Variants in ADGRA3 observed in about 807,000 individuals in gnomAD.
The protein encoded by ADGRA3 is G-protein coupled receptor 125.
ADGRA3 carries 56 observed loss-of-function variants against 119.8 expected under a neutral mutation model. The ratio of observed to expected loss-of-function variants is 0.47; its 90% CI spans 0.38 to 0.58. The LOEUF (loss-of-function observed/expected upper bound fraction) is 0.58, where lower values mean the gene tolerates loss of function less well. Ranked by LOEUF, ADGRA3 falls within the 20% of genes least tolerant of loss-of-function variation. The probability of loss-of-function intolerance (pLI) is 0.00; values close to 1 mark genes in which losing one functional copy is unlikely to be tolerated. For missense variants in ADGRA3, 1,516 were observed against 1,649.0 expected, an observed-to-expected ratio of 0.92 and a Z score of 1.40; for synonymous variants, 607 against 623.8, an observed-to-expected ratio of 0.97 and a Z score of 0.40.
At chr4:22,478,965 A>G (rs1718150205) in intron 1 of ADGRA3, among the ~76,000 whole-genome samples, 1 of 152,222 alleles carries the variant, frequency 6.6e-6, no homozygotes, top group African/African-American at 2.4e-5. Context: ...TAAACAATAA[A>G]TATTTATAAT....
At chr4:22,434,003 T>C (rs368555855) in intron 10 of ADGRA3, among the ~76,000 whole-genome samples, 6 of 152,240 alleles carry the variant, frequency 3.9e-5, no homozygotes, top group African/African-American at 1.4e-4. Context: ...AAGTCCCGTT[T>C]ATATACATGT....
At chr4:22,449,060 C>G (rs572591693) in intron 4 of ADGRA3, among the ~76,000 whole-genome samples, 119 of 152,088 alleles carry the variant, frequency 7.8e-4, no homozygotes, top group African/African-American at 2.7e-3. Context: ...CACCTGAGGT[C>G]GGGAGTTTGA....
At chr4:22,438,190 G>A (rs375677059) in intron 8 of ADGRA3, 66 bp downstream of exon 8, 10 of 1,344,076 alleles carry the variant, frequency 7.4e-6, no homozygotes, top group Non-Finnish European at 9.4e-6. Flanking sequence ...AACCAATAAT[G>A]TGTCTTAGAC....
chr4:22,439,432 C>G (rs1716522407), intron 7 of ADGRA3, among the ~76,000 whole-genome samples: 1 of 152,136 alleles, frequency 6.6e-6, no homozygotes, highest in Admixed American at 6.5e-5. Flanking sequence ...CCACAGGACC[C>G]AGTATGCGTT....
In ADGRA3 at chr4:22,480,811, G is replaced by C. The variant is rs865870616; in HGVS notation, c.258-6968C>G. On this transcript the variant is annotated intron_variant, in intron 1 of 18. Transcript: ENST00000334304. ...CAAAATGAAATACCAGAAAGATGCA[G>C]TGTTGTAGGACTCAGGGAGAGGAAG... Among the ~76,000 whole-genome samples, 4 of 152,194 alleles carry C rather than the reference G, an allele frequency of 2.6e-5. No homozygotes were observed. In the South Asian group the frequency reaches 8.3e-4, roughly 31 times the overall value.
intron 1 of ADGRA3, among the ~76,000 whole-genome samples, chr4:22,512,005 T>C (rs539857985): frequency 8.9e-5 from 13 of 146,452 alleles, no homozygotes; most frequent in Non-Finnish European, 1.5e-4. Context: ...CAAGCGATTC[T>C]CCTGCCTGCC....
chr4:22,420,977 T>A lies in ADGRA3; in HGVS notation c.1718A>T (p.Asp573Val), dbSNP rs1577337375. The change falls in exon 12 of 19, where the codon GAT (aspartate) becomes GTT (valine). Residue 573 changes from aspartate (D) to valine (V), a missense_variant. Physicochemically the swap from Asp to Val is radical, Grantham distance 152 (BLOSUM62 -3). Transcript: ENST00000334304. The part of the protein sequence containing the change: ...VAASDRTGLS[D>V]YGRRDPEGNL... ...TCCCTCTGGATCCCGCCTCCCATAA[T>A]CCGAAAGTCCTGTACGATCAGAGGC... The A allele has an allele frequency of 6.2e-7, 1 of 1,613,858 alleles. No individual in the cohort carries two copies. Among genetic ancestry groups the A allele is most frequent in the Non-Finnish European group, 8.5e-7 (1 of 1,179,968 alleles).
intron 12 of ADGRA3, among the ~76,000 whole-genome samples, chr4:22,419,367 G>A (rs1240315417): frequency 1.3e-5 from 2 of 152,052 alleles, no homozygotes; most frequent in Admixed American, 1.3e-4. Flanking sequence ...ATTAACATTA[G>A]AATTTTTAAC....
At chr4:22,475,889 T>C (rs2109125362) in intron 1 of ADGRA3, among the ~76,000 whole-genome samples, 1 of 152,210 alleles carries the variant, frequency 6.6e-6, no homozygotes, top group African/African-American at 2.4e-5. Context: ...ACCTTATTCA[T>C]GTAACCAAAC....
intron 16 of ADGRA3, among the ~76,000 whole-genome samples, chr4:22,396,135 A>G (rs1421080930): frequency 6.6e-6 from 1 of 152,156 alleles, no homozygotes; most frequent in Admixed American, 6.5e-5. Context: ...TCCCTTCCAG[A>G]CTTGAGTCAA....
chr4:22,510,947 T>C (rs1014867016), intron 1 of ADGRA3, among the ~76,000 whole-genome samples: 10 of 152,250 alleles, frequency 6.6e-5, no homozygotes, highest in African/African-American at 2.2e-4. Flanking sequence ...CTCTGAACAA[T>C]ACGAGCATTT....
intron 8 of ADGRA3, among the ~76,000 whole-genome samples, chr4:22,437,834 A>T (rs965741863): frequency 6.6e-6 from 1 of 152,156 alleles, no homozygotes; most frequent in East Asian, 1.9e-4. Context: ...TCTGATGCCT[A>T]CTGAACTGCC....
intron 14 of ADGRA3, among the ~76,000 whole-genome samples, chr4:22,407,514 A>G (rs572123726): frequency 6.6e-6 from 1 of 152,304 alleles, no homozygotes; most frequent in East Asian, 1.9e-4. Flanking sequence ...CACATTTGCA[A>G]CACAGTAATA....
At chr4:22,482,743 G>T (rs771411936) in intron 1 of ADGRA3, among the ~76,000 whole-genome samples, 52 of 152,186 alleles carry the variant, frequency 3.4e-4, no homozygotes, top group Admixed American at 1.0e-3. Context: ...CAAGGCAAAA[G>T]AAATTAGCTA....
At chr4:22,485,969 A>G (rs1375478473) in intron 1 of ADGRA3, among the ~76,000 whole-genome samples, 1 of 152,104 alleles carries the variant, frequency 6.6e-6, no homozygotes, top group Admixed American at 6.5e-5. Flanking sequence ...GCCACCCCCT[A>G]TGGTTTCAGT....
At position 22,515,670 on chromosome 4, in the gene ADGRA3, GCGCCGCGGCGCCGCCGCCGC is replaced by G. The variant is rs1719636251; in HGVS notation, c.95_114del (p.Gly32AlafsTer52). 1 of 1,156,458 alleles carries G rather than the reference GCGCCGCGGCGCCGCCGCCGC, an allele frequency of 8.6e-7. No homozygotes were observed. The allele number at this position is 1,156,458 out of a possible 1,614,324, so 71.6% of individuals were successfully genotyped here. A position where few individuals can be genotyped will look rare whatever the true frequency, so the allele number is the denominator to read the frequency against. On this transcript the variant is annotated frameshift_variant, in exon 1 of 19. Transcript: ENST00000334304. LOFTEE classifies it high-confidence loss of function. Reference sequence around the variant, plus strand: ...CCATCGTGCTTGCAGCCGGCGGGCAGCGCCGCGGCGCCGCCGCCGCCGCCGCCTCCCAGCAGCGCGAGCAG... The same window carrying G: ...CCATCGTGCTTGCAGCCGGCGGGCAGCGCCGCCTCCCAGCAGCGCGAGCAG...
intron 11 of ADGRA3, among the ~76,000 whole-genome samples, chr4:22,422,107 G>A (rs1449328748): frequency 6.6e-6 from 1 of 152,030 alleles, no homozygotes; most frequent in East Asian, 1.9e-4. Context: ...GAAGTGACAA[G>A]GAGCCACACC....
intron 1 of ADGRA3, among the ~76,000 whole-genome samples, chr4:22,490,494 C>T (rs368039606): frequency 2.2e-4 from 34 of 151,950 alleles, no homozygotes; most frequent in African/African-American, 7.5e-4. Flanking sequence ...TTCTTGATGT[C>T]GGACCTATTA....
intron 16 of ADGRA3, among the ~76,000 whole-genome samples, chr4:22,399,792 C>G (rs1714535958): frequency 6.6e-6 from 1 of 151,320 alleles, no homozygotes; most frequent in Non-Finnish European, 1.5e-5. Context: ...TTATTAGTGT[C>G]TTGTCTTTCT....
Sources: allele counts gnomAD v4.1 joint callset (sites outside exome capture counted in the v4.1 genomes callset), GRCh38; gene constraint gnomAD v4.1.1; transcripts MANE v1.5; gene names NCBI Gene and HGNC (gene_info 2026-07-23, HGNC 2026-07-21).